Variants in CD200R1 observed in about 807,000 individuals in gnomAD.
CD200R1 encodes the protein CD200 receptor 1.
Under a neutral mutation model 38.1 loss-of-function variants are expected in CD200R1, and 30 were observed. That is an observed-to-expected ratio of 0.79 (90% CI 0.59 to 1.07). The LOEUF (loss-of-function observed/expected upper bound fraction) is 1.07. Among genes scored for constraint, CD200R1 ranks in the 50% least tolerant of loss-of-function variants. The probability of loss-of-function intolerance (pLI) is 0.00; values close to 1 mark genes in which losing one functional copy is unlikely to be tolerated. For missense variants in CD200R1, 372 were observed against 415.4 expected (o/e 0.90, Z 0.91); for synonymous variants, 128 against 152.1 (o/e 0.84, Z 1.16).
intron 5 of CD200R1, among the ~76,000 whole-genome samples, chr3:112,926,031 T>C (rs1027855590): frequency 6.6e-6 from 1 of 152,146 alleles, no homozygotes; most frequent in African/African-American, 2.4e-5. Flanking sequence ...AGCAGAGTGT[T>C]TCTCCCCTCC....
chr3:112,933,944 G>T (rs1161240943), intron 2 of CD200R1, among the ~76,000 whole-genome samples: 1 of 151,114 alleles, frequency 6.6e-6, no homozygotes, highest in Non-Finnish European at 1.5e-5. Context: ...AAAACAAAAA[G>T]AAAAAGAATT....
intron 1 of CD200R1, among the ~76,000 whole-genome samples, chr3:112,950,071 A>G (rs921423454): frequency 2.6e-5 from 4 of 152,224 alleles, no homozygotes; most frequent in Non-Finnish European, 5.9e-5. Flanking sequence ...GAGGAATCCA[A>G]ATTAAAAGTA....
In CD200R1 at chr3:112,974,892, C is replaced by T. The variant is rs751444464; in HGVS notation, c.-35G>A. 6.4e-7 allele frequency: 1 copy of T among 1,568,258 alleles called. No homozygotes were observed. Among genetic ancestry groups the T allele is most frequent in the East Asian group, 2.2e-5 (1 of 44,520 alleles). ...CTCTTTTTCTGCCCTTCACTCAGTA[C>T]TTTTCCTCCACACAGGTACAGAAGG... On this transcript the variant is annotated 5_prime_UTR_variant, in exon 1 of 8. Transcript: ENST00000308611.
chr3:112,931,238 C>A, intron 2 of CD200R1, 67 bp from the exon 3 acceptor site: 1 of 955,424 alleles, frequency 1.0e-6, no homozygotes, highest in Non-Finnish European at 1.7e-6. Context: ...GCCAGTATCC[C>A]TCCACAAAGT....
chr3:112,973,020 T>C (rs945551196), intron 1 of CD200R1, among the ~76,000 whole-genome samples: 2 of 152,222 alleles, frequency 1.3e-5, no homozygotes, highest in Non-Finnish European at 2.9e-5. Context: ...TACAATAACA[T>C]AAGCATAGAC....
chr3:112,936,333 C>G (rs143123837), intron 2 of CD200R1, among the ~76,000 whole-genome samples: 1 of 152,136 alleles, frequency 6.6e-6, no homozygotes, highest in African/African-American at 2.4e-5. Flanking sequence ...ATCAGATTGC[C>G]GAGTCAAACA....
In CD200R1 at chr3:112,957,837, C is replaced by T. The variant is rs190076658; in HGVS notation, c.68-9913G>A. On this transcript the variant is annotated intron_variant, in intron 1 of 7. Coordinates refer to ENST00000308611, the MANE Select transcript of CD200R1 (RefSeq NM_138806.4). ...CTGGGCAAATGATTTGAACAGACCC[C>T]TCATGAAAAATAAAAAGATATTAAA... is the stretch of plus-strand genomic sequence containing the variant. Among the ~76,000 whole-genome samples the T allele has an allele frequency of 2.0e-5, 3 of 152,088 alleles. No individual in the cohort carries two copies. The East Asian group carries it at 5.8e-4, about 29-fold the overall frequency.
At chr3:112,924,821 A>G (rs753161932) in intron 6 of CD200R1, among the ~76,000 whole-genome samples, 304 of 152,228 alleles carry the variant, frequency 2.0e-3, no homozygotes, top group Non-Finnish European at 3.1e-3. Context: ...GTAATTATTT[A>G]CCCAAATGTG....
chr3:112,956,814 T>C (rs1309964146), intron 1 of CD200R1, among the ~76,000 whole-genome samples: 1 of 152,182 alleles, frequency 6.6e-6, no homozygotes, highest in Non-Finnish European at 1.5e-5. Flanking sequence ...TGGTTTAGTG[T>C]TGGAATGCAC....
intron 2 of CD200R1, among the ~76,000 whole-genome samples, chr3:112,945,447 C>A (rs561677379): frequency 6.6e-6 from 1 of 152,208 alleles, no homozygotes; most frequent in South Asian, 2.1e-4. Flanking sequence ...TTAGCAAAGG[C>A]AATACATTGG....
intron 2 of CD200R1, among the ~76,000 whole-genome samples, chr3:112,937,269 GC>G (rs1360636579): frequency 6.6e-6 from 1 of 152,036 alleles, no homozygotes; most frequent in Non-Finnish European, 1.5e-5. Context: ...GAGAGTAACT[GC>G]CCCCCATGAT....
At chr3:112,951,937 T>G (rs1027263577) in intron 1 of CD200R1, among the ~76,000 whole-genome samples, 5 of 151,580 alleles carry the variant, frequency 3.3e-5, no homozygotes, top group Non-Finnish European at 7.4e-5. Flanking sequence ...AAGAACAGTC[T>G]CAATCAAAAT....
intron 2 of CD200R1, among the ~76,000 whole-genome samples, chr3:112,937,933 A>G (rs1940625772): frequency 6.6e-6 from 1 of 151,766 alleles, no homozygotes; most frequent in Non-Finnish European, 1.5e-5. Flanking sequence ...TTTCCTAGGT[A>G]TTTTATTCTT....
At chr3:112,946,202 T>C (rs1337295608) in intron 2 of CD200R1, among the ~76,000 whole-genome samples, 1 of 152,216 alleles carries the variant, frequency 6.6e-6, no homozygotes, top group African/African-American at 2.4e-5. Flanking sequence ...TAACCACCTG[T>C]ATTTTTTAAA....
chr3:112,971,352 A>G (rs1933305195), intron 1 of CD200R1, among the ~76,000 whole-genome samples: 1 of 152,176 alleles, frequency 6.6e-6, no homozygotes, highest in Non-Finnish European at 1.5e-5. Flanking sequence ...TATATTTTCA[A>G]CTGAAGTTGG....
intron 1 of CD200R1, among the ~76,000 whole-genome samples, chr3:112,957,487 A>T (rs919628431): frequency 5.3e-5 from 8 of 152,214 alleles, no homozygotes; most frequent in Non-Finnish European, 1.0e-4. Flanking sequence ...TACACAAAAA[A>T]AATTACCTAT....
At position 112,929,473 on chromosome 3, in the gene CD200R1, A is replaced by G. The variant is rs1242610905; in HGVS notation, c.237T>C (p.Asn79=). The G allele has an allele frequency of 6.2e-7, 1 of 1,613,630 alleles. No individual in the cohort carries two copies. The highest frequency in any genetic ancestry group is 1.3e-5 in the African/African-American group (1 of 74,904). Reference sequence around the variant, plus strand: ...CGATAGGAGGGCAACAAAGCACAGCATTTGTAGCCATCTTTACAGGCCATG... The same window carrying G: ...CGATAGGAGGGCAACAAAGCACAGCGTTTGTAGCCATCTTTACAGGCCATG... The part of the protein sequence containing the change: ...NTSWPVKMAT[N]AVLCCPPIAL... The change falls in exon 4 of 8, where the codon AAT becomes AAC. Residue 79 remains asparagine, a synonymous_variant. Transcript: ENST00000308611.
intron 5 of CD200R1, among the ~76,000 whole-genome samples, chr3:112,926,623 A>C (rs112178204): frequency 6.6e-6 from 1 of 152,168 alleles, no homozygotes; most frequent in Admixed American, 6.6e-5. Flanking sequence ...ACACATAACC[A>C]AGGCACAACT....
intron 1 of CD200R1, among the ~76,000 whole-genome samples, chr3:112,970,083 C>T (rs1480281171): frequency 3.3e-5 from 5 of 151,956 alleles, no homozygotes; most frequent in Admixed American, 2.6e-4. Context: ...GAGTCTGAAA[C>T]AGGAGGATAA....
Sources: gnomAD v4.1 joint callset for allele counts (sites outside exome capture counted in the v4.1 genomes callset) on GRCh38, gnomAD v4.1.1 for gene constraint, MANE v1.5 for transcripts, NCBI Gene and HGNC (gene_info 2026-07-23, HGNC 2026-07-21) for gene names.